Variants in PARN observed in about 807,000 individuals in gnomAD.
The protein encoded by PARN is poly(A)-specific ribonuclease.
Under a neutral mutation model 102.8 loss-of-function variants are expected in PARN, and 71 were observed. The observed-to-expected ratio is 0.69, with a 90% confidence interval of 0.57 to 0.84. PARN has a LOEUF of 0.84. Among genes scored for constraint, PARN ranks in the 40% least tolerant of loss-of-function variants. The probability of loss-of-function intolerance (pLI) is 0.00; values close to 1 mark genes in which losing one functional copy is unlikely to be tolerated. For synonymous variants in PARN, 261 were observed against 252.9 expected (o/e 1.03, Z -0.30); for missense variants, 782 against 760.9 (o/e 1.03, Z -0.33).
intron 12 of PARN, among the ~76,000 whole-genome samples, chr16:14,598,005 G>A (rs747909220): frequency 5.9e-5 from 9 of 152,070 alleles, no homozygotes; most frequent in South Asian, 2.1e-4. Flanking sequence ...TTAGCCAGGC[G>A]TGGTAGCAGG....
chr16:14,593,398 G>GA lies in PARN; in HGVS notation c.841-21dup. ...TTTTCCCTAAAGAAAGTCAAGGTTA[G>GA]AAAAAAGACTTCTACATTCGAAATT... On this transcript the variant is annotated intron_variant, in intron 12 of 23. Coordinates refer to ENST00000437198, the MANE Select transcript of PARN (RefSeq NM_002582.4). The GA allele has an allele frequency of 1.7e-6, 2 of 1,151,538 alleles. No homozygotes were observed. Among genetic ancestry groups the GA allele is most frequent in the South Asian group, 1.2e-5 (1 of 82,432 alleles). 71.3% of individuals were successfully genotyped at this position (1,151,538 alleles called of 1,614,324 possible).
Position 14,446,913 on chromosome 16 carries a change from T to C in PARN, c.1839A>G (p.Arg613=). The C allele has an allele frequency of 1.2e-6, 2 of 1,613,280 alleles. No individual in the cohort carries two copies. Among genetic ancestry groups the C allele is most frequent in the Non-Finnish European group, 1.7e-6 (2 of 1,179,540 alleles). Residue 613 remains arginine (R), a synonymous_variant, in exon 23 of 24, where the codon AGA becomes AGG. Coordinates refer to ENST00000437198, the MANE Select transcript of PARN (RefSeq NM_002582.4). Reference sequence around the variant, plus strand: ...CTGCTGGAGAAAGCTCCTTCTTCATTCTTTTTAATTTCTTGGCCTTTTTCC... The same window carrying C: ...CTGCTGGAGAAAGCTCCTTCTTCATCCTTTTTAATTTCTTGGCCTTTTTCC... ...EGRKKAKKLK[R]MKKELSPAGS...
chr16:14,540,374 T>C (rs925100936), intron 21 of PARN, among the ~76,000 whole-genome samples: 1 of 152,116 alleles, frequency 6.6e-6, no homozygotes, highest in Non-Finnish European at 1.5e-5. Context: ...CAAGAATAAA[T>C]AAACAGTAAC....
intron 18 of PARN, among the ~76,000 whole-genome samples, chr16:14,569,442 A>G (rs1198836616): frequency 6.6e-6 from 1 of 152,156 alleles, no homozygotes; most frequent in Admixed American, 6.5e-5. Context: ...TAGCTTTGGC[A>G]AGACAAATCT....
chr16:14,473,906 T>C (rs1337149689), intron 22 of PARN, among the ~76,000 whole-genome samples: 1 of 152,246 alleles, frequency 6.6e-6, no homozygotes, highest in Non-Finnish European at 1.5e-5. Context: ...CCAACCATTT[T>C]GTTGAAACCA....
At position 14,447,069 on chromosome 16, in the gene PARN, G is replaced by A. The variant is rs775676787; in HGVS notation, c.1683C>T (p.Pro561=). 3.1e-6 allele frequency: 5 copies of A among 1,611,810 alleles called. No homozygotes were observed. The highest frequency in any genetic ancestry group is 4.2e-6 in the Non-Finnish European group (5 of 1,179,032). ...TCAAATTTCTCTTTCCTACTGTGCT[G>A]GGAGCTGTAAAACTGAAATGCAAAA... ...HYYRNNSFTA[P]STVGKRNLSP... Residue 561 remains proline (P), a synonymous_variant, in exon 23 of 24, where the codon CCC becomes CCT. Coordinates refer to ENST00000437198, the MANE Select transcript of PARN (RefSeq NM_002582.4).
Position 14,436,545 on chromosome 16 carries a change from A to G in PARN, c.*172T>C. ...CAGGCAGTTAGATTAAAAAGGGGAA[A>G]AAACCACAGCCACAAAAATAAAACC... On this transcript the variant is annotated 3_prime_UTR_variant, in exon 24 of 24. Transcript: ENST00000437198. The G allele has an allele frequency of 6.5e-6, 4 of 611,470 alleles. No individual in the cohort carries two copies. In the South Asian group the frequency reaches 7.9e-5, roughly 12 times the overall value. 37.9% of individuals were successfully genotyped at this position (611,470 alleles called of 1,614,324 possible).
Position 14,475,299 on chromosome 16 carries a change from T to C in PARN, c.1670+7339A>G, listed in dbSNP as rs1962979338. ...TAATAGCACCTATCTTTCAGGAAAG[T>C]TGCGAGTGTTGGTGTTGGCTTATGG... On this transcript the variant is annotated intron_variant, in intron 22 of 23. Transcript: ENST00000437198. Among the ~76,000 whole-genome samples the C allele has an allele frequency of 2.0e-5, 3 of 152,332 alleles. No individual in the cohort carries two copies. In the South Asian group the frequency reaches 6.2e-4, roughly 32 times the overall value.
Position 14,552,105 on chromosome 16 carries a change from C to G in PARN, c.1406-10G>C, listed in dbSNP as rs1304061532. Reference sequence around the variant, plus strand: ...GATATCTGAATGTTACCTGCAATCGCAAATTAAAAGTAAAGTGAACATTTG... The same window carrying G: ...GATATCTGAATGTTACCTGCAATCGGAAATTAAAAGTAAAGTGAACATTTG... On this transcript the variant is annotated splice_polypyrimidine_tract_variant and intron_variant, in intron 20 of 23. Transcript: ENST00000437198. 6.3e-7 allele frequency: 1 copy of G among 1,581,608 alleles called. No homozygotes were observed. Among genetic ancestry groups the G allele is most frequent in the Admixed American group, 1.7e-5 (1 of 59,148 alleles).
rs184422924 is a variant in PARN, at chr16:14,530,386, T to A, written c.1480+21635A>T. Among the ~76,000 whole-genome samples the A allele has an allele frequency of 4.7e-4, 71 of 152,028 alleles. 1 individual carries two copies. Among genetic ancestry groups the A allele is most frequent in the Admixed American group, 1.7e-3 (26 of 15,276 alleles). On this transcript the variant is annotated intron_variant, in intron 21 of 23. Transcript: ENST00000437198. Reference sequence around the variant, plus strand: ...AGTGCTTTGCACACCTGGAAAAGAGTAATTCTTCTTTAAATGAGGACTTTA... The same window carrying A: ...AGTGCTTTGCACACCTGGAAAAGAGAAATTCTTCTTTAAATGAGGACTTTA...
intron 9 of PARN, among the ~76,000 whole-genome samples, chr16:14,607,387 T>C (rs1202434893): frequency 6.6e-6 from 1 of 152,014 alleles, no homozygotes; most frequent in Non-Finnish European, 1.5e-5. Context: ...TTTGTATTTG[T>C]AGTAGAGACG....
At chr16:14,590,550 G>A (rs780559923) in intron 13 of PARN, among the ~76,000 whole-genome samples, 1 of 148,644 alleles carries the variant, frequency 6.7e-6, no homozygotes, top group East Asian at 2.0e-4. Context: ...AAGGAGAGTC[G>A]CTTGAACCCA....
chr16:14,584,313 A>T, intron 16 of PARN, 34 bp downstream of exon 16: 1 of 1,383,044 alleles, frequency 7.2e-7, no homozygotes, highest in Non-Finnish European at 1.0e-6. Flanking sequence ...ATTATTACAA[A>T]GAGTTTGGAG....
intron 8 of PARN, among the ~76,000 whole-genome samples, chr16:14,608,639 A>G (rs780848094): frequency 6.6e-6 from 1 of 152,232 alleles, no homozygotes; most frequent in Admixed American, 6.5e-5. Flanking sequence ...CTCCTCACAA[A>G]GTAAAAGGAA....
At chr16:14,546,890 C>T (rs1251452870) in intron 21 of PARN, among the ~76,000 whole-genome samples, 1 of 151,972 alleles carries the variant, frequency 6.6e-6, no homozygotes, top group Non-Finnish European at 1.5e-5. Flanking sequence ...GTCAGGAGTT[C>T]GAGACCAGCC....
intron 21 of PARN, among the ~76,000 whole-genome samples, chr16:14,513,308 T>G (rs762805006): frequency 6.6e-6 from 1 of 152,202 alleles, no homozygotes; most frequent in African/African-American, 2.4e-5. Flanking sequence ...TCATATATAA[T>G]ACAAACATGA....
In PARN at chr16:14,482,658, A is replaced by T. The variant is rs1368350204; in HGVS notation, c.1650T>A (p.Asn550Lys). ...CTTACCTATTGTTGCGGTAATAGTGATTCTGCAGGGTGTAGGGTATGCACT... is the reference window on the plus strand; with the variant it reads ...CTTACCTATTGTTGCGGTAATAGTGTTTCTGCAGGGTGTAGGGTATGCACT... ...NPQCIPYTLQ[N>K]HYYRNNSFTA... is the part of the protein sequence containing the mutation. The change falls in exon 22 of 24, where the codon AAT becomes AAA. Residue 550 changes from asparagine (N) to lysine (K), a missense_variant. Transcript: ENST00000437198. 5 of 1,607,636 alleles carry T rather than the reference A, an allele frequency of 3.1e-6. No homozygotes were observed. The South Asian group carries it at 5.6e-5, about 18-fold the overall frequency.
intron 22 of PARN, among the ~76,000 whole-genome samples, chr16:14,460,947 C>T (rs1961930262): frequency 6.6e-6 from 1 of 152,206 alleles, no homozygotes; most frequent in South Asian, 2.1e-4. Context: ...AGAGATCTGG[C>T]AAACACCACC....
intron 22 of PARN, among the ~76,000 whole-genome samples, chr16:14,470,899 C>T (rs190235765): frequency 1.1e-4 from 16 of 152,292 alleles, no homozygotes; most frequent in East Asian, 5.8e-4. Context: ...ACCTCAGCCT[C>T]CTGAGTAGCT....
Sources: allele counts gnomAD v4.1 joint callset (sites outside exome capture counted in the v4.1 genomes callset), GRCh38; gene constraint gnomAD v4.1.1; transcripts MANE v1.5; gene names NCBI Gene and HGNC (gene_info 2026-07-23, HGNC 2026-07-21).